The following ETV5 variants were observed in gnomAD, a reference collection of about 807,000 sequenced individuals.
The protein encoded by ETV5 is ETS variant transcription factor 5, also known as ETS translocation variant 5.
Under a neutral mutation model 70.0 loss-of-function variants are expected in ETV5, and 10 were observed. The observed-to-expected ratio is 0.14, with a 90% CI of 0.09 to 0.24. The LOEUF (loss-of-function observed/expected upper bound fraction) is 0.24. ETV5 is among the 10% of genes least tolerant of loss of function. The pLI is 1.00. For missense variants in ETV5, 453 were observed against 651.2 expected (o/e 0.70, Z 3.31); for synonymous variants, 216 against 242.2 (o/e 0.89, Z 1.01).
chr3:186,063,251 CAG>C (rs1281833806), intron 9 of ETV5, among the ~76,000 whole-genome samples: 1 of 152,152 alleles, frequency 6.6e-6, no homozygotes, highest in East Asian at 1.9e-4. Context: ...GCCTGGGCAA[CAG>C]AGCGAGACTC....
intron 5 of ETV5, among the ~76,000 whole-genome samples, chr3:186,101,248 C>T (rs1002419546): frequency 7.9e-5 from 12 of 152,144 alleles, no homozygotes; most frequent in Admixed American, 3.9e-4. Flanking sequence ...TGTATACACA[C>T]GAAAGGTGTC....
intron 11 of ETV5, among the ~76,000 whole-genome samples, chr3:186,056,216 T>C (rs1713159406): frequency 1.3e-5 from 2 of 152,280 alleles, no homozygotes; most frequent in South Asian, 4.1e-4. Flanking sequence ...GTTTTTTTCC[T>C]ATTAAAATAA....
chr3:186,108,287 C>T (rs1714644824), intron 1 of ETV5, among the ~76,000 whole-genome samples: 2 of 152,140 alleles, frequency 1.3e-5, no homozygotes, highest in Admixed American at 1.3e-4. Flanking sequence ...CCCCACCATC[C>T]CCAGGCCGCT....
intron 5 of ETV5, among the ~76,000 whole-genome samples, chr3:186,101,862 A>C (rs1578563016): frequency 6.6e-6 from 1 of 152,230 alleles, no homozygotes; most frequent in African/African-American, 2.4e-5. Context: ...GCAATCTGAG[A>C]TCTTCAGAGT....
At chr3:186,080,866 T>G (rs1006382428) in intron 6 of ETV5, 180 bp downstream of exon 6, 19 of 603,794 alleles carry the variant, frequency 3.1e-5, no homozygotes, top group Non-Finnish European at 4.9e-5. Context: ...TTCTTTTGTG[T>G]GCAGTACAAT....
chr3:186,079,207 TC>T, intron 7 of ETV5: 1 of 484,706 alleles, frequency 2.1e-6, no homozygotes, highest in East Asian at 5.8e-5. Context: ...CAGAGAAGGT[TC>T]CCTTCACACA....
chr3:186,049,611 G>A (rs75379141), intron 12 of ETV5, among the ~76,000 whole-genome samples: 1 of 152,134 alleles, frequency 6.6e-6, no homozygotes, highest in Non-Finnish European at 1.5e-5. Context: ...AGACGCAGAG[G>A]GGGAAGGGAA....
intron 11 of ETV5, among the ~76,000 whole-genome samples, chr3:186,053,227 G>A (rs1020599309): frequency 6.6e-6 from 1 of 152,060 alleles, no homozygotes; most frequent in African/African-American, 2.4e-5. Context: ...TCAGTCTCCT[G>A]AGCAGCTGGG....
chr3:186,073,266 A>G (rs1367758003), intron 7 of ETV5, among the ~76,000 whole-genome samples: 1 of 152,264 alleles, frequency 6.6e-6, no homozygotes, highest in East Asian at 1.9e-4. Context: ...CATTTAAGGA[A>G]GTGTCCTTTA....
Position 186,105,404 on chromosome 3 carries a change from C to A in ETV5, c.181+45G>T. On this transcript the variant is annotated intron_variant, in intron 4 of 12. Transcript: ENST00000306376. The surrounding 1 kb of genome is among the most constrained non-coding windows in gnomAD (Gnocchi z 4.5). ...GACCTTTAAGTTTTATTAAAAAGCA[C>A]AGTAAAATGTTTTATATGGAAAATA... 7 of 1,612,058 alleles carry A rather than the reference C, an allele frequency of 4.3e-6. No individual in the cohort carries two copies. The highest frequency in any genetic ancestry group is 5.9e-6 in the Non-Finnish European group (7 of 1,178,910).
At chr3:186,053,036 C>T (rs1355304904) in intron 11 of ETV5, among the ~76,000 whole-genome samples, 1 of 151,438 alleles carries the variant, frequency 6.6e-6, no homozygotes, top group Non-Finnish European at 1.5e-5. Flanking sequence ...TCAGGGGTCA[C>T]GTTTGGAGCA....
chr3:186,086,740 TGAGCCCAG>T (rs1271504645), intron 5 of ETV5, among the ~76,000 whole-genome samples: 2 of 151,348 alleles, frequency 1.3e-5, no homozygotes, highest in African/African-American at 4.9e-5. Context: ...GCAGATCGCT[TGAGCCCAG>T]GAGTTTGAGC....
rs1327033049 is a variant in ETV5, at chr3:186,054,004, G to A, written c.1210-1873C>T. Among the ~76,000 whole-genome samples the A allele has an allele frequency of 6.6e-6, 1 of 152,174 alleles. No homozygotes were observed. The highest frequency in any genetic ancestry group is 2.4e-5 in the African/African-American group (1 of 41,446). On this transcript the variant is annotated intron_variant, in intron 11 of 12. Transcript: ENST00000306376. The surrounding 1 kb of genome is among the most constrained non-coding windows in gnomAD (Gnocchi z 4.4). Reference sequence around the variant, plus strand: ...TCCTTGAATATTCTTCAACTTCAGCGGCCACCTCTCAGCTGTCACTTGCAT... The same window carrying A: ...TCCTTGAATATTCTTCAACTTCAGCAGCCACCTCTCAGCTGTCACTTGCAT...
chr3:186,080,969 G>C lies in ETV5; in HGVS notation c.362+77C>G, dbSNP rs1000230910. On this transcript the variant is annotated intron_variant, in intron 6 of 12. Coordinates refer to ENST00000306376, the MANE Select transcript of ETV5 (RefSeq NM_004454.3). ...AGGGTCTGCTGGGTAAGTAACACTG[G>C]GAAGGAACATTCAGCTTGATGGCTA... The C allele has an allele frequency of 1.1e-4, 162 of 1,508,032 alleles. 1 individual carries two copies. The highest frequency in any genetic ancestry group is 1.0e-3 in the Admixed American group (50 of 49,444). 93.4% of individuals were successfully genotyped at this position (1,508,032 alleles called of 1,614,324 possible). A position where few individuals can be genotyped will look rare whatever the true frequency, so the allele number is the denominator to read the frequency against.
At position 186,071,986 on chromosome 3, in the gene ETV5, G is replaced by C. The variant is rs147891287; in HGVS notation, c.651-5914C>G. 5.3e-4 allele frequency among the ~76,000 whole-genome samples: 80 copies of C among 151,550 alleles called. 1 individual carries two copies. In the Middle Eastern group the frequency reaches 0.014, roughly 26 times the overall value. On this transcript the variant is annotated intron_variant, in intron 7 of 12. Transcript: ENST00000306376. Reference sequence around the variant, plus strand: ...CTAATTTTTTTGTATTGTTAGTAGAGACAGGGTTTCACCACGTTGGCCAGG... The same window carrying C: ...CTAATTTTTTTGTATTGTTAGTAGACACAGGGTTTCACCACGTTGGCCAGG...
Position 186,057,611 on chromosome 3 carries a change from A to G in ETV5, c.971-120T>C. 1.2e-6 allele frequency: 1 copy of G among 851,404 alleles called. No homozygotes were observed. The highest frequency in any genetic ancestry group is 2.5e-5 in the East Asian group (1 of 40,360). 52.7% of individuals were successfully genotyped at this position (851,404 alleles called of 1,614,324 possible). On this transcript the variant is annotated intron_variant, in intron 9 of 12. Transcript: ENST00000306376. This position sits in a 1 kb window ranked among gnomAD's most constrained non-coding sequence, Gnocchi z 4.9. Reference sequence around the variant, plus strand: ...TTCAGATCCTAAGTCCTACTGCTGTATCTATGGCAGACTGAATTTTCAGGG... The same window carrying G: ...TTCAGATCCTAAGTCCTACTGCTGTGTCTATGGCAGACTGAATTTTCAGGG...
At chr3:186,103,448 T>C (rs558685728) in intron 5 of ETV5, among the ~76,000 whole-genome samples, 1 of 152,224 alleles carries the variant, frequency 6.6e-6, no homozygotes, top group South Asian at 2.1e-4. Context: ...CTCTTTTGGG[T>C]TACAGAGAAA....
chr3:186,089,186 G>C (rs1195216807), intron 5 of ETV5, among the ~76,000 whole-genome samples: 1 of 152,174 alleles, frequency 6.6e-6, no homozygotes, highest in East Asian at 1.9e-4. Context: ...GAGATGTCTG[G>C]ATTTCCAAAC....
intron 6 of ETV5, 159 bp downstream of exon 6, chr3:186,080,887 G>A: frequency 1.3e-6 from 1 of 789,530 alleles, no homozygotes; most frequent in Non-Finnish European, 2.0e-6. Flanking sequence ...GATCCCAAGG[G>A]GACTGGACTA....
Sources: gnomAD v4.1 joint callset for allele counts (sites outside exome capture counted in the v4.1 genomes callset) on GRCh38, gnomAD v4.1.1 for gene constraint, Gnocchi (gnomAD v3.1) non-coding constraint, MANE v1.5 for transcripts, NCBI Gene and HGNC (gene_info 2026-07-23, HGNC 2026-07-21) for gene names.